KCNG3: variants seen among roughly 807,000 people sequenced by gnomAD.
The protein encoded by KCNG3 is potassium voltage-gated channel modifier subfamily G member 3.
In KCNG3, 15 loss-of-function variants were observed where a neutral mutation model predicts 29.0. That is an observed-to-expected ratio of 0.52 (90% CI 0.35 to 0.80). KCNG3 has a LOEUF of 0.80. Ranked by LOEUF, KCNG3 falls within the 30% of genes least tolerant of loss-of-function variation. The pLI, the probability that KCNG3 is intolerant of heterozygous loss-of-function variation, is 0.01. For synonymous variants in KCNG3, 322 were observed against 248.9 expected, an observed-to-expected ratio of 1.29 and a Z score of -2.76; for missense variants, 512 against 605.7, an observed-to-expected ratio of 0.85 and a Z score of 1.62.
the KCNG3 span, among the ~76,000 whole-genome samples, chr2:42,407,788 G>T: frequency 5.3e-5 from 8 of 151,616 alleles, no homozygotes; most frequent in Non-Finnish European, 7.4e-5. Context: ...GCAAGCAGGA[G>T]CCCTGCCCTC....
chr2:42,420,911 C>T, the KCNG3 span, among the ~76,000 whole-genome samples: 11 of 152,150 alleles, frequency 7.2e-5, no homozygotes, highest in Non-Finnish European at 1.2e-4. Context: ...TTGAATTGAC[C>T]AATTTCTTCA....
chr2:42,458,445 G>T (rs888679338), intron 1 of KCNG3, among the ~76,000 whole-genome samples: 1 of 151,718 alleles, frequency 6.6e-6, no homozygotes, highest in Non-Finnish European at 1.5e-5. Flanking sequence ...TCTCTTTATT[G>T]GGAAACAGGG....
chr2:42,415,110 C>T, the KCNG3 span, among the ~76,000 whole-genome samples: 1 of 152,048 alleles, frequency 6.6e-6, no homozygotes, highest in Non-Finnish European at 1.5e-5. Flanking sequence ...GAGTTTTTTC[C>T]TTGTGCCCTT....
the KCNG3 span, among the ~76,000 whole-genome samples, chr2:42,421,367 A>G: frequency 2.6e-5 from 4 of 152,232 alleles, no homozygotes; most frequent in Non-Finnish European, 5.9e-5. Flanking sequence ...AACCTAATCT[A>G]TTATAGGGTT....
At chr2:42,439,528 G>A, downstream of KCNG3, among the ~76,000 whole-genome samples, 1 of 151,066 alleles carries the variant, frequency 6.6e-6, no homozygotes, top group South Asian at 2.1e-4. Flanking sequence ...CTCCCAAAGT[G>A]CTGGGATTAC....
intron 1 of KCNG3, among the ~76,000 whole-genome samples, chr2:42,484,178 C>G (rs898925319): frequency 8.5e-5 from 13 of 152,116 alleles, no homozygotes; most frequent in Admixed American, 7.2e-4. Context: ...AAGAGAAAAT[C>G]TGACCGGGTG....
intron 1 of KCNG3, among the ~76,000 whole-genome samples, chr2:42,450,474 G>A (rs1672720978): frequency 6.6e-6 from 1 of 152,174 alleles, no homozygotes; most frequent in African/African-American, 2.4e-5. Context: ...ACTGTTCACT[G>A]AGCACAAGAG....
chr2:42,484,805 T>G (rs1444266667), intron 1 of KCNG3, among the ~76,000 whole-genome samples: 2 of 152,210 alleles, frequency 1.3e-5, no homozygotes, highest in South Asian at 2.1e-4. Flanking sequence ...AAAGAAAGTT[T>G]CCACTGAATT....
chr2:42,487,156 CAAAA>C (rs1194994891), intron 1 of KCNG3, among the ~76,000 whole-genome samples: 2 of 68,000 alleles, frequency 2.9e-5, no homozygotes, highest in African/African-American at 6.0e-5. Flanking sequence ...GACTCTGTCT[CAAAA>C]AAAAAAAAAA....
In KCNG3 at chr2:42,443,783, C is replaced by T. The variant is rs909990441; in HGVS notation, c.*151G>A. 2 of 665,326 alleles carry T rather than the reference C, an allele frequency of 3.0e-6. No individual in the cohort carries two copies. The highest frequency in any genetic ancestry group is 1.8e-5 in the African/African-American group (1 of 55,070). 41.2% of individuals were successfully genotyped at this position (665,326 alleles called of 1,614,324 possible). ...TTCTATTTACTCCATAACAAGTAAA[C>T]TGTTTTATCCCTTCGGCTGGGAAGG... On this transcript the variant is annotated 3_prime_UTR_variant, in exon 2 of 2. Transcript: ENST00000306078.
chr2:42,428,459 G>GAAAAA, the KCNG3 span, among the ~76,000 whole-genome samples: 9 of 123,636 alleles, frequency 7.3e-5, no homozygotes, highest in South Asian at 2.6e-4. Context: ...CCGGTCTCGG[G>GAAAAA]AAAAAAAAAA....
the KCNG3 span, among the ~76,000 whole-genome samples, chr2:42,419,854 A>G: frequency 6.6e-6 from 1 of 152,234 alleles, no homozygotes; most frequent in Non-Finnish European, 1.5e-5. Flanking sequence ...GGCCAGCACT[A>G]CTAGCAAGAG....
chr2:42,488,568 G>A (rs1372417473), intron 1 of KCNG3, among the ~76,000 whole-genome samples: 1 of 102,114 alleles, frequency 9.8e-6, no homozygotes, highest in Admixed American at 1.1e-4. Flanking sequence ...TTTTTTTTTT[G>A]AGACTCAGTC....
At chr2:42,398,457 C>T in the KCNG3 span, among the ~76,000 whole-genome samples, 2 of 152,030 alleles carry the variant, frequency 1.3e-5, no homozygotes, top group East Asian at 1.9e-4. Flanking sequence ...CATGAAAAAT[C>T]TAAGCAGGTG....
intron 1 of KCNG3, among the ~76,000 whole-genome samples, chr2:42,481,644 T>C (rs1005734503): frequency 6.6e-6 from 1 of 152,150 alleles, no homozygotes; most frequent in African/African-American, 2.4e-5. Flanking sequence ...TATAAGGCGC[T>C]TCCTGGGCTA....
intron 1 of KCNG3, among the ~76,000 whole-genome samples, chr2:42,488,107 G>A (rs1383677116): frequency 7.2e-5 from 11 of 152,124 alleles, no homozygotes; most frequent in African/African-American, 2.7e-4. Flanking sequence ...AGAACTGAAT[G>A]GCTGGAAGAA....
the KCNG3 span, among the ~76,000 whole-genome samples, chr2:42,433,576 T>C: frequency 1.3e-4 from 20 of 152,118 alleles, 1 homozygote; most frequent in South Asian, 1.7e-3. Flanking sequence ...CCGTCTCTAC[T>C]AAAAATACAA....
At chr2:42,457,938 A>T (rs908573874) in intron 1 of KCNG3, among the ~76,000 whole-genome samples, 6 of 152,160 alleles carry the variant, frequency 3.9e-5, no homozygotes, top group Admixed American at 3.9e-4. Flanking sequence ...CCTGAGCAAT[A>T]TAGTGAAACC....
intron 1 of KCNG3, among the ~76,000 whole-genome samples, chr2:42,457,964 T>C (rs1368001666): frequency 7.9e-5 from 12 of 152,092 alleles, no homozygotes; most frequent in Non-Finnish European, 1.5e-5. Context: ...TCTCAATATA[T>C]AAATAAGTAA....
Sources: allele counts gnomAD v4.1 joint callset (sites outside exome capture counted in the v4.1 genomes callset), GRCh38; gene constraint gnomAD v4.1.1; transcripts MANE v1.5; gene names NCBI Gene and HGNC (gene_info 2026-07-23, HGNC 2026-07-21).